TLK1: variants seen among roughly 807,000 people sequenced by gnomAD.
The protein encoded by TLK1 is tousled like kinase 1.
TLK1 carries 24 observed loss-of-function variants against 105.3 expected under a neutral mutation model. The ratio of observed to expected loss-of-function variants is 0.23; its 90% CI spans 0.17 to 0.32. The LOEUF is 0.32. Ranked by LOEUF, TLK1 falls within the 10% of genes least tolerant of loss-of-function variation. The probability of loss-of-function intolerance (pLI) is 1.00; values close to 1 mark genes in which losing one functional copy is unlikely to be tolerated. For missense variants in TLK1, 558 were observed against 910.5 expected, an observed-to-expected ratio of 0.61 and a Z score of 4.98; for synonymous variants, 321 against 310.4, an observed-to-expected ratio of 1.03 and a Z score of -0.36.
At chr2:171,043,688 T>A (rs1686801653) in intron 11 of TLK1, among the ~76,000 whole-genome samples, 1 of 152,210 alleles carries the variant, frequency 6.6e-6, no homozygotes, top group Non-Finnish European at 1.5e-5. Context: ...ATATCTGGTA[T>A]CTAGCAGGAC....
At chr2:171,115,748 T>C (rs1690396775) in intron 2 of TLK1, among the ~76,000 whole-genome samples, 1 of 152,108 alleles carries the variant, frequency 6.6e-6, no homozygotes, top group Admixed American at 6.5e-5. Context: ...TTTTCTCAAA[T>C]TCAAGAATCA....
At chr2:171,128,748 A>G (rs1480608504) in intron 1 of TLK1, among the ~76,000 whole-genome samples, 1 of 152,104 alleles carries the variant, frequency 6.6e-6, no homozygotes, top group East Asian at 1.9e-4. Flanking sequence ...ATATACATGT[A>G]CATGTATATA....
chr2:171,172,017 C>T (rs749946552), intron 1 of TLK1, among the ~76,000 whole-genome samples: 1 of 152,162 alleles, frequency 6.6e-6, no homozygotes. Flanking sequence ...AAACTAGAAA[C>T]TATCTAAGTA....
chr2:171,081,816 T>C, intron 3 of TLK1: 1 of 697,530 alleles, frequency 1.4e-6, no homozygotes, highest in Non-Finnish European at 2.2e-6. Flanking sequence ...GATTTCTAGA[T>C]GCTTTCAATA....
In TLK1 at chr2:171,050,189, G is replaced by GA; in HGVS notation, c.733-16dup. On this transcript the variant is annotated splice_polypyrimidine_tract_variant and intron_variant, in intron 8 of 20. Coordinates refer to ENST00000431350, the MANE Select transcript of TLK1 (RefSeq NM_012290.5). Reference sequence around the variant, plus strand: ...TCACAGTTAGCCTATGACATAAGTAGAAAATGCAAGAGGTCTAGACTGGGG... The same window carrying GA: ...TCACAGTTAGCCTATGACATAAGTAGAAAAATGCAAGAGGTCTAGACTGGGG... The GA allele has an allele frequency of 6.4e-7, 1 of 1,566,716 alleles. No individual in the cohort carries two copies. The highest frequency in any genetic ancestry group is 8.7e-7 in the Non-Finnish European group (1 of 1,148,914).
chr2:171,007,834 C>T (rs1182031649), intron 14 of TLK1, among the ~76,000 whole-genome samples: 1 of 152,020 alleles, frequency 6.6e-6, no homozygotes, highest in African/African-American at 2.4e-5. Flanking sequence ...TTCAATTTTC[C>T]CTGGTTGTCT....
chr2:171,197,605 C>G (rs1450271136), intron 1 of TLK1, among the ~76,000 whole-genome samples: 1 of 151,988 alleles, frequency 6.6e-6, no homozygotes, highest in African/African-American at 2.4e-5. Context: ...ATGGTGAAAC[C>G]CTGTATCTAC....
At chr2:171,119,282 T>A (rs185300954) in intron 1 of TLK1, among the ~76,000 whole-genome samples, 5 of 152,342 alleles carry the variant, frequency 3.3e-5, no homozygotes, top group African/African-American at 1.2e-4. Flanking sequence ...TGTATATTAT[T>A]CCTTTATTGA....
intron 12 of TLK1, among the ~76,000 whole-genome samples, chr2:171,026,512 A>G (rs1004513121): frequency 6.6e-6 from 1 of 152,162 alleles, no homozygotes; most frequent in Non-Finnish European, 1.5e-5. Context: ...AATAAGGTGC[A>G]TATGTAAAAT....
At chr2:171,070,676 T>C (rs375935475) in intron 3 of TLK1, among the ~76,000 whole-genome samples, 2 of 152,230 alleles carry the variant, frequency 1.3e-5, no homozygotes, top group Non-Finnish European at 2.9e-5. Flanking sequence ...CATTCATCTG[T>C]TGATGGATGC....
chr2:171,137,044 C>A (rs1401850101), intron 1 of TLK1, among the ~76,000 whole-genome samples: 3 of 152,154 alleles, frequency 2.0e-5, no homozygotes. Flanking sequence ...CAGTTTAGGC[C>A]AGGTGTGGTG....
intron 1 of TLK1, among the ~76,000 whole-genome samples, chr2:171,195,891 C>T (rs1221559422): frequency 1.3e-5 from 2 of 151,756 alleles, no homozygotes; most frequent in Non-Finnish European, 1.5e-5. Context: ...TTGCAATGTT[C>T]GTGTGTGCCT....
chr2:171,056,594 T>A (rs539866326), intron 5 of TLK1, 28 bp from the exon 6 acceptor site: 2 of 1,569,656 alleles, frequency 1.3e-6, no homozygotes, highest in South Asian at 1.1e-5. Flanking sequence ...GAAGCATTAT[T>A]ATTTACTAAA....
chr2:171,219,605 T>G (rs1056867899), intron 1 of TLK1, among the ~76,000 whole-genome samples: 1 of 137,044 alleles, frequency 7.3e-6, no homozygotes, highest in Non-Finnish European at 1.6e-5. Flanking sequence ...TCCCCCCACC[T>G]TTTTTTTTTT....
At chr2:171,072,036 C>A (rs912303401) in intron 3 of TLK1, among the ~76,000 whole-genome samples, 1 of 152,074 alleles carries the variant, frequency 6.6e-6, no homozygotes, top group Non-Finnish European at 1.5e-5. Flanking sequence ...TAATGTGATT[C>A]GTCTGGTTTT....
In TLK1 at chr2:171,073,872, T is replaced by TCC. The variant is rs147208196; in HGVS notation, c.330+8907_330+8908dup. Among the ~76,000 whole-genome samples the TCC allele has an allele frequency of 6.9e-3, 476 of 68,644 alleles. 5 individuals are homozygous for TCC. The highest frequency in any genetic ancestry group is 0.013 in the South Asian group (11 of 836). 45.0% of individuals were successfully genotyped at this position (68,644 alleles called of 152,430 possible). A position where few individuals can be genotyped will look rare whatever the true frequency, so the allele number is the denominator to read the frequency against. ...ACAGAGAAGAGAATAAACTTAACAT[T>TCC]CCCCCCCCCCCTCCTTTTTTTTTCT... On this transcript the variant is annotated intron_variant, in intron 3 of 20. Transcript: ENST00000431350.
chr2:171,071,556 G>C (rs995512178), intron 3 of TLK1, among the ~76,000 whole-genome samples: 2 of 152,040 alleles, frequency 1.3e-5, no homozygotes, highest in Non-Finnish European at 2.9e-5. Context: ...CACAGTGCTG[G>C]GATTACAGGT....
At chr2:171,105,534 A>C (rs1449034212) in intron 2 of TLK1, among the ~76,000 whole-genome samples, 1 of 152,134 alleles carries the variant, frequency 6.6e-6, no homozygotes, top group East Asian at 1.9e-4. Flanking sequence ...AAAAATACAA[A>C]AATTAGATGA....
chr2:171,046,492 T>C, intron 10 of TLK1, 130 bp from the exon 11 acceptor site: 3 of 998,368 alleles, frequency 3.0e-6, no homozygotes, highest in Non-Finnish European at 4.2e-6. Context: ...TCCACTCTTG[T>C]GAACCAATTT....
Sources: gnomAD v4.1 joint callset for allele counts (sites outside exome capture counted in the v4.1 genomes callset) on GRCh38, gnomAD v4.1.1 for gene constraint, MANE v1.5 for transcripts, NCBI Gene and HGNC (gene_info 2026-07-23, HGNC 2026-07-21) for gene names.